ACO2: variants seen among roughly 807,000 people sequenced by gnomAD.
ACO2 encodes the protein aconitate hydratase, mitochondrial.
Under a neutral mutation model 84.5 loss-of-function variants are expected in ACO2, and 31 were observed. The observed-to-expected ratio is 0.37, with a 90% CI of 0.28 to 0.50. ACO2 has a LOEUF of 0.50. ACO2 is among the 20% of genes least tolerant of loss of function. The pLI is 0.97. For missense variants in ACO2, 685 were observed against 1,029.3 expected (o/e 0.67, Z 4.58); for synonymous variants, 414 against 412.7 (o/e 1.00, Z -0.04).
intron 3 of ACO2, among the ~76,000 whole-genome samples, chr22:41,508,877 C>G (rs2066413723): frequency 6.6e-6 from 1 of 152,178 alleles, no homozygotes; most frequent in Non-Finnish European, 1.5e-5. Flanking sequence ...AGGGCTGCGG[C>G]CTGTGGGCAT....
At chr22:41,526,479 G>C in intron 15 of ACO2, 26 bp downstream of exon 15, 1 of 1,599,662 alleles carries the variant, frequency 6.3e-7, no homozygotes, top group Non-Finnish European at 8.5e-7. Flanking sequence ...TAGGGGCAAT[G>C]CCAGTGGTCA....
At chr22:41,508,477 A>G (rs2066410556) in intron 3 of ACO2, among the ~76,000 whole-genome samples, 1 of 152,138 alleles carries the variant, frequency 6.6e-6, no homozygotes, top group East Asian at 1.9e-4. Context: ...TAGGCGTGCT[A>G]GGGTCACTAT....
intron 1 of ACO2, among the ~76,000 whole-genome samples, chr22:41,478,409 A>G (rs1252174287): frequency 2.0e-5 from 3 of 152,134 alleles, no homozygotes; most frequent in African/African-American, 7.2e-5. Context: ...TTCCCAAAAT[A>G]TTGAGATTAC....
rs777420895 is a variant in ACO2 at position 41,507,877 on chromosome 22, C to T, written c.260C>T (p.Ser87Leu). Residue 87 changes from serine to leucine, a missense_variant, in exon 3 of 18, where the codon TCG becomes TTG. Coordinates refer to ENST00000216254, the MANE Select transcript of ACO2 (RefSeq NM_001098.3). ...PASQEIERGK[S>L]YLRLRPDRVA... Reference sequence around the variant, plus strand: ...AGCCAGGAAATTGAGCGAGGCAAGTCGTACCTGCGGCTGCGGCCGGACCGT... The same window carrying T: ...AGCCAGGAAATTGAGCGAGGCAAGTTGTACCTGCGGCTGCGGCCGGACCGT... 2.1e-5 allele frequency: 34 copies of T among 1,614,124 alleles called. No individual in the cohort carries two copies. The highest frequency in any genetic ancestry group is 3.4e-6 in the Non-Finnish European group (4 of 1,180,052).
intron 1 of ACO2, among the ~76,000 whole-genome samples, chr22:41,497,258 A>G (rs1350359652): frequency 6.6e-6 from 1 of 151,844 alleles, no homozygotes; most frequent in African/African-American, 2.4e-5. Flanking sequence ...TAGTAGAGAC[A>G]GGGTTTCACC....
intron 3 of ACO2, among the ~76,000 whole-genome samples, chr22:41,508,309 G>A (rs1472630357): frequency 1.3e-5 from 2 of 152,200 alleles, no homozygotes; most frequent in African/African-American, 4.8e-5. Context: ...CTGTCCTGTT[G>A]GAGGATGATG....
intron 4 of ACO2, among the ~76,000 whole-genome samples, chr22:41,514,961 G>A (rs954123358): frequency 2.6e-5 from 4 of 152,202 alleles, no homozygotes; most frequent in African/African-American, 9.7e-5. Flanking sequence ...GCTCCTGGAA[G>A]AACCACCAAC....
chr22:41,518,429 C>G, intron 7 of ACO2, 52 bp from the exon 8 acceptor site: 1 of 1,446,272 alleles, frequency 6.9e-7, no homozygotes, highest in Non-Finnish European at 9.7e-7. Flanking sequence ...AGTGAACTCT[C>G]AAGAACAGTT....
At chr22:41,505,767 G>A (rs1345446512) in intron 2 of ACO2, among the ~76,000 whole-genome samples, 2 of 152,194 alleles carry the variant, frequency 1.3e-5, no homozygotes, top group African/African-American at 2.4e-5. Context: ...GCAAAGGGGC[G>A]GGAGGGAGTT....
chr22:41,518,289 C>T (rs958235122), intron 7 of ACO2, among the ~76,000 whole-genome samples, 192 bp from the exon 8 acceptor site: 2 of 152,234 alleles, frequency 1.3e-5, no homozygotes, highest in Non-Finnish European at 2.9e-5. Context: ...TCTGTGTCTC[C>T]GTGTCCCTGA....
At chr22:41,470,760 C>A (rs938050310) in intron 1 of ACO2, among the ~76,000 whole-genome samples, 2 of 152,036 alleles carry the variant, frequency 1.3e-5, no homozygotes, top group Non-Finnish European at 2.9e-5. Context: ...CCAGGCTGGT[C>A]ACAAACTCCT....
rs1322564800 is a variant in ACO2, at chr22:41,528,499, G to A, written c.2229G>A (p.Lys743=). 1.2e-6 allele frequency: 2 copies of A among 1,612,320 alleles called. No individual in the cohort carries two copies. The highest frequency in any genetic ancestry group is 4.5e-5 in the East Asian group (2 of 44,858). ...TPGKPLKCII[K]HPNGTQETIL... is the part of the protein sequence containing the mutation. Reference sequence around the variant, plus strand: ...TGCAGCCCCTGAAGTGCATCATCAAGCACCCCAACGGGACCCAGGAGACCA... The same window carrying A: ...TGCAGCCCCTGAAGTGCATCATCAAACACCCCAACGGGACCCAGGAGACCA... Residue 743 remains lysine, a synonymous_variant, in exon 18 of 18, where the codon AAG becomes AAA. Transcript: ENST00000216254.
chr22:41,518,516 T>A lies in ACO2; in HGVS notation c.976T>A (p.Leu326Met). The A allele has an allele frequency of 6.2e-7, 1 of 1,613,978 alleles. No individual in the cohort carries two copies. The highest frequency in any genetic ancestry group is 1.7e-4 in the Middle Eastern group (1 of 6,028). The change falls in exon 8 of 18, where the codon TTG becomes ATG. Residue 326 changes from leucine (L) to methionine (M), a missense_variant. By Grantham distance (15) the Leu-to-Met change is conservative. Transcript: ENST00000216254. ...ANLADEFKDHLVPDPGCHYDQ... is the reference protein window; with the variant it reads ...ANLADEFKDHMVPDPGCHYDQ... ...TCTAGCTGATGAATTCAAGGATCACTTGGTGCCTGACCCTGGCTGCCATTA... is the reference window on the plus strand; with the variant it reads ...TCTAGCTGATGAATTCAAGGATCACATGGTGCCTGACCCTGGCTGCCATTA...
Position 41,522,986 on chromosome 22 carries a change from A to G in ACO2, c.1295A>G (p.Tyr432Cys), listed in dbSNP as rs1373984093. ...CGCGCCACCATTGAGCGGGACGGCT[A>G]TGTGAGTGCCCATATCCCCCTGCCC... ...QIRATIERDG[Y>C]AQILRDLGGI... The change falls in exon 10 of 18, where the codon TAT (tyrosine) becomes TGT (cysteine). Residue 432 changes from tyrosine (Y) to cysteine (C), a missense_variant and splice_region_variant. By Grantham distance (194) the Tyr-to-Cys change is radical. Around this residue, in one of 5 missense-constraint regions of ACO2, gnomAD observed 311 missense variants for 441.6 expected, o/e 0.70. Transcript: ENST00000216254. 1 of 1,614,126 alleles carries G rather than the reference A, an allele frequency of 6.2e-7. No homozygotes were observed. The highest frequency in any genetic ancestry group is 8.5e-7 in the Non-Finnish European group (1 of 1,180,014).
At chr22:41,523,094 G>C (rs536970136) in intron 10 of ACO2, 107 bp downstream of exon 10, 21 of 1,556,914 alleles carry the variant, frequency 1.3e-5, no homozygotes, top group Non-Finnish European at 1.8e-5. Context: ...GCAGGTCCCA[G>C]TGGCTGCCCT....
In ACO2 at chr22:41,522,549, C is replaced by T. The variant is rs73887735; in HGVS notation, c.1139-281C>T. Among the ~76,000 whole-genome samples, 1,799 of 152,316 alleles carry T rather than the reference C, an allele frequency of 0.012. 38 individuals are homozygous for T. Among genetic ancestry groups the T allele is most frequent in the African/African-American group, 0.041 (1,712 of 41,562 alleles). On this transcript the variant is annotated intron_variant, in intron 9 of 17. Transcript: ENST00000216254. The stretch of plus-strand genomic sequence containing the variant: ...GTATGAGCCCTCTGACGTGCCTACA[C>T]GTGTACATGATATTGCTGTAAAAGG...
chr22:41,499,503 C>T (rs772519285), intron 1 of ACO2, among the ~76,000 whole-genome samples: 1 of 152,190 alleles, frequency 6.6e-6, no homozygotes, highest in African/African-American at 2.4e-5. Context: ...TTGATCCCAG[C>T]GATTTTTGTC....
rs764605230 is a variant in ACO2, at chr22:41,517,521, C to T, written c.836-6C>T. The T allele has an allele frequency of 4.8e-5, 77 of 1,613,224 alleles. No homozygotes were observed. The highest frequency in any genetic ancestry group is 1.6e-4 in the Middle Eastern group (1 of 6,084). On this transcript the variant is annotated splice_region_variant and splice_polypyrimidine_tract_variant and intron_variant, in intron 6 of 17. Transcript: ENST00000216254. ...AGCCAATGCCCGGGGCTCTGTTGCT[C>T]CACAGGCATGGCGACAATCTGCAAC...
At chr22:41,478,324 A>G (rs1048665888) in intron 1 of ACO2, among the ~76,000 whole-genome samples, 4 of 151,804 alleles carry the variant, frequency 2.6e-5, no homozygotes, top group Non-Finnish European at 4.4e-5. Context: ...TTTTTGTTTT[A>G]GTAGAGACAG....
Sources: allele counts gnomAD v4.1 joint callset (sites outside exome capture counted in the v4.1 genomes callset), GRCh38; gene constraint gnomAD v4.1.1; regional missense constraint gnomAD v4.1.1; transcripts MANE v1.5; gene names NCBI Gene and HGNC (gene_info 2026-07-23, HGNC 2026-07-21).